Variants in ARHGEF3 observed in about 807,000 individuals in gnomAD.
ARHGEF3 encodes Rho guanine nucleotide exchange factor 3.
A neutral mutation model predicts 63.2 loss-of-function variants in ARHGEF3; 28 were observed. The ratio of observed to expected loss-of-function variants is 0.44; its 90% CI spans 0.33 to 0.61. The LOEUF is 0.61. ARHGEF3 is among the 20% of genes least tolerant of loss of function. ARHGEF3 has a pLI of 0.03. For missense variants in ARHGEF3, 533 were observed against 659.3 expected (o/e 0.81, Z 2.10); for synonymous variants, 266 against 254.2 (o/e 1.05, Z -0.44).
chr3:56,729,451 A>T lies in ARHGEF3; in HGVS notation c.1400T>A (p.Phe467Tyr). 4 of 1,613,982 alleles carry T rather than the reference A, an allele frequency of 2.5e-6. No homozygotes were observed. The highest frequency in any genetic ancestry group is 3.4e-6 in the Non-Finnish European group (4 of 1,179,996). ...QAGVLDSEGSFLNPTTGSREL... is the reference protein window; with the variant it reads ...QAGVLDSEGSYLNPTTGSREL... Reference sequence around the variant, plus strand: ...TCTGCTCCCGGTGGTGGGATTTAGGAACGATCCCTCGGAGTCAAGCACCCC... The same window carrying T: ...TCTGCTCCCGGTGGTGGGATTTAGGTACGATCCCTCGGAGTCAAGCACCCC... Residue 467 changes from phenylalanine (F) to tyrosine (Y), a missense_variant, in exon 10 of 10, where the codon TTC becomes TAC. Physicochemically the swap from Phe to Tyr is conservative, Grantham distance 22. Around this residue, in one of 4 missense-constraint regions of ARHGEF3, gnomAD observed 115 missense variants for 103.4 expected, o/e 1.11. Coordinates refer to ENST00000296315, the MANE Select transcript of ARHGEF3 (RefSeq NM_019555.3).
intron 1 of ARHGEF3, among the ~76,000 whole-genome samples, chr3:57,062,493 A>C (rs1273083149): frequency 1.3e-5 from 2 of 152,222 alleles, no homozygotes; most frequent in African/African-American, 4.8e-5. Context: ...GAAGCCTTTC[A>C]GAGAAGAGGG....
intron 3 of ARHGEF3, among the ~76,000 whole-genome samples, chr3:56,947,791 A>G (rs1214758615): frequency 2.6e-5 from 4 of 152,226 alleles, no homozygotes; most frequent in Admixed American, 1.3e-4. Context: ...ACAGACATCT[A>G]CAGAACTCTC....
chr3:57,044,790 G>T (rs1486773381), intron 1 of ARHGEF3, among the ~76,000 whole-genome samples: 1 of 152,106 alleles, frequency 6.6e-6, no homozygotes, highest in Non-Finnish European at 1.5e-5. Flanking sequence ...AGGCTTGGTG[G>T]GGATACCACA....
At chr3:56,787,724 A>T (rs910944416) in intron 1 of ARHGEF3, among the ~76,000 whole-genome samples, 29 of 151,894 alleles carry the variant, frequency 1.9e-4, no homozygotes, top group African/African-American at 6.6e-4. Context: ...CTCTGATAAT[A>T]ATAATAATAA....
At chr3:56,758,187 A>C (rs2035204292) in intron 2 of ARHGEF3, among the ~76,000 whole-genome samples, 1 of 151,740 alleles carries the variant, frequency 6.6e-6, no homozygotes, top group Non-Finnish European at 1.5e-5. Flanking sequence ...AAGCTGAGGC[A>C]GAAGAATTGC....
chr3:56,847,135 G>T (rs1475468757), intron 4 of ARHGEF3, among the ~76,000 whole-genome samples: 2 of 152,100 alleles, frequency 1.3e-5, no homozygotes, highest in African/African-American at 4.8e-5. Flanking sequence ...TAGGTTTTCT[G>T]ACTCTACCTC....
At chr3:56,859,398 C>T (rs982364124) in intron 4 of ARHGEF3, among the ~76,000 whole-genome samples, 1 of 151,966 alleles carries the variant, frequency 6.6e-6, no homozygotes, top group African/African-American at 2.4e-5. Context: ...CTCGGCCTCC[C>T]AAAGTGCTGG....
chr3:56,864,789 A>T (rs1435874849), intron 4 of ARHGEF3, among the ~76,000 whole-genome samples: 1 of 152,244 alleles, frequency 6.6e-6, no homozygotes, highest in Non-Finnish European at 1.5e-5. Context: ...GCAATGATCA[A>T]TGCCACTTAA....
chr3:57,057,453 C>T (rs1225518049), intron 1 of ARHGEF3, among the ~76,000 whole-genome samples: 3 of 152,112 alleles, frequency 2.0e-5, no homozygotes, highest in Non-Finnish European at 2.9e-5. Flanking sequence ...CTTATCCCAA[C>T]TATAATTTTA....
chr3:56,994,081 A>AAAAAAAAAAAAAAAAAAAAAAC (rs1701880412), intron 2 of ARHGEF3, among the ~76,000 whole-genome samples: 1 of 148,722 alleles, frequency 6.7e-6, no homozygotes, highest in African/African-American at 2.5e-5. Context: ...AAAAAAAAAA[A>AAAAAAAAAAAAAAAAAAAAAAC]AAAAGCACAC....
chr3:56,776,508 T>C (rs1271534874), intron 1 of ARHGEF3, among the ~76,000 whole-genome samples: 1 of 152,200 alleles, frequency 6.6e-6, no homozygotes, highest in Non-Finnish European at 1.5e-5. Context: ...GCTTTATGCC[T>C]AACCCACATG....
chr3:56,893,359 T>C (rs2041186514), intron 3 of ARHGEF3, among the ~76,000 whole-genome samples: 1 of 152,142 alleles, frequency 6.6e-6, no homozygotes, highest in Non-Finnish European at 1.5e-5. Context: ...TTTACTGTTA[T>C]GTAGAGATAG....
At chr3:56,973,029 T>G (rs1334923258) in intron 2 of ARHGEF3, among the ~76,000 whole-genome samples, 1 of 150,948 alleles carries the variant, frequency 6.6e-6, no homozygotes, top group South Asian at 2.1e-4. Flanking sequence ...TTGTTTTTTT[T>G]TTTTTGAGAT....
intron 2 of ARHGEF3, among the ~76,000 whole-genome samples, chr3:56,967,418 AC>A (rs1229690246): frequency 1.1e-4 from 9 of 79,264 alleles, no homozygotes; most frequent in South Asian, 3.4e-4. Context: ...TATATATTAT[AC>A]ATATTATATA....
intron 3 of ARHGEF3, among the ~76,000 whole-genome samples, chr3:56,949,618 A>G (rs941597909): frequency 6.6e-6 from 1 of 152,074 alleles, no homozygotes; most frequent in African/African-American, 2.4e-5. Flanking sequence ...CCACTGCTCA[A>G]TGAAATAAAA....
At chr3:57,037,001 G>A (rs752466) in intron 1 of ARHGEF3, among the ~76,000 whole-genome samples, 40,085 of 152,132 alleles carry the variant, frequency 0.26, 5,639 homozygotes, top group Middle Eastern at 0.34. Flanking sequence ...AGTCAGTTTA[G>A]GGGAGAGTCC....
chr3:56,945,272 A>C lies in ARHGEF3; in HGVS notation c.129+13551T>G, dbSNP rs1267524040. Among the ~76,000 whole-genome samples, 3 of 152,244 alleles carry C rather than the reference A, an allele frequency of 2.0e-5. No homozygotes were observed. In the East Asian group the frequency reaches 5.8e-4, roughly 29 times the overall value. On this transcript the variant is annotated intron_variant, in intron 3 of 12. Transcript: ENST00000338458. ...CTGGGGAGTGTTGGAAAGTGGGTGCAGGACAGTGGATGCAGTTCACCGAGC... is the reference window on the plus strand; with the variant it reads ...CTGGGGAGTGTTGGAAAGTGGGTGCCGGACAGTGGATGCAGTTCACCGAGC...
chr3:57,030,859 A>C (rs1259306428), intron 2 of ARHGEF3, among the ~76,000 whole-genome samples: 1 of 152,252 alleles, frequency 6.6e-6, no homozygotes, highest in African/African-American at 2.4e-5. Flanking sequence ...CTGCTCAGTC[A>C]ATAAATGCTA....
At chr3:56,784,168 C>T (rs1479171425) in intron 1 of ARHGEF3, among the ~76,000 whole-genome samples, 1 of 152,184 alleles carries the variant, frequency 6.6e-6, no homozygotes, top group African/African-American at 2.4e-5. Flanking sequence ...GCCAGATGCT[C>T]AGAGCTGGAG....
Sources: gnomAD v4.1 joint callset for allele counts (sites outside exome capture counted in the v4.1 genomes callset) on GRCh38, gnomAD v4.1.1 for gene constraint, gnomAD v4.1.1 regional missense constraint, MANE v1.5 for transcripts, NCBI Gene and HGNC (gene_info 2026-07-23, HGNC 2026-07-21) for gene names.